Variants in RAB3IL1 observed in about 807,000 individuals in gnomAD.
RAB3IL1 encodes guanine nucleotide exchange factor for Rab-3A.
Under a neutral mutation model 49.2 loss-of-function variants are expected in RAB3IL1, and 37 were observed. That is an observed-to-expected ratio of 0.75 (90% CI 0.58 to 0.99). The LOEUF (loss-of-function observed/expected upper bound fraction) is 0.99. RAB3IL1 is among the 50% of genes least tolerant of loss of function. The pLI, the probability that RAB3IL1 is intolerant of heterozygous loss-of-function variation, is 0.00. For synonymous variants in RAB3IL1, 193 were observed against 213.9 expected (o/e 0.90, Z 0.85); for missense variants, 484 against 513.0 (o/e 0.94, Z 0.55).
the RAB3IL1 span, among the ~76,000 whole-genome samples, chr11:61,935,795 G>A: frequency 6.6e-6 from 1 of 151,984 alleles, no homozygotes; most frequent in African/African-American, 2.4e-5. Context: ...GATTACAGGG[G>A]TGAGCCACCA....
At chr11:61,923,754 C>G (rs1939952154), upstream of RAB3IL1, among the ~76,000 whole-genome samples, 1 of 152,222 alleles carries the variant, frequency 6.6e-6, no homozygotes, top group Non-Finnish European at 1.5e-5. Flanking sequence ...CCTCCGCCAG[C>G]TGTGCAGGGT....
chr11:61,934,494 A>ATT, the RAB3IL1 span, among the ~76,000 whole-genome samples: 1 of 126,480 alleles, frequency 7.9e-6, no homozygotes, highest in Non-Finnish European at 1.7e-5. Context: ...ATATATATAT[A>ATT]TTCTATGCCT....
chr11:61,943,825 A>G, the RAB3IL1 span, among the ~76,000 whole-genome samples: 1 of 152,224 alleles, frequency 6.6e-6, no homozygotes, highest in African/African-American at 2.4e-5. Flanking sequence ...CACTACATAC[A>G]TAAGTGGAAA....
intron 7 of RAB3IL1, among the ~76,000 whole-genome samples, chr11:61,903,527 C>T (rs1939024229): frequency 6.9e-6 from 1 of 144,656 alleles, no homozygotes. Flanking sequence ...CTATTGATGA[C>T]TTTTTTTTTT....
intron 1 of RAB3IL1, among the ~76,000 whole-genome samples, chr11:61,911,056 G>A (rs1939433877): frequency 6.6e-6 from 1 of 152,254 alleles, no homozygotes; most frequent in Non-Finnish European, 1.5e-5. Flanking sequence ...ACATAGGCTG[G>A]AGGTGTGGCT....
the RAB3IL1 span, among the ~76,000 whole-genome samples, chr11:61,934,487 T>C: frequency 7.8e-6 from 1 of 128,542 alleles, no homozygotes; most frequent in African/African-American, 3.1e-5. Context: ...TATATATATA[T>C]ATATATATTC....
chr11:61,907,452 G>C lies in RAB3IL1; in HGVS notation c.379C>G (p.Arg127Gly), dbSNP rs906299388. ...GCCGCCTGCTTCATGTTGGCTTCTC[G>C]AACCATCTTGTGAGCTTCCTAGGAA... ...SLFEEAHKMVREANMKQAASE... is the reference protein window; with the variant it reads ...SLFEEAHKMVGEANMKQAASE... Residue 127 changes from arginine to glycine, a missense_variant, in exon 4 of 10, where the codon CGA (arginine) becomes GGA (glycine). Coordinates refer to ENST00000394836, the MANE Select transcript of RAB3IL1 (RefSeq NM_013401.4). 1.2e-6 allele frequency: 2 copies of C among 1,614,162 alleles called. No individual in the cohort carries two copies. The highest frequency in any genetic ancestry group is 8.5e-7 in the Non-Finnish European group (1 of 1,180,020).
In RAB3IL1 at chr11:61,898,281, A is replaced by G; in HGVS notation, c.1146T>C (p.Ala382=). The change falls in exon 10 of 10, where the codon GCT becomes GCC. Residue 382 remains alanine, a synonymous_variant. Transcript: ENST00000394836. This position sits in a 1 kb window ranked among gnomAD's most constrained non-coding sequence, Gnocchi z 5.1. ...LAKLGFFPQE[A] The stretch of plus-strand genomic sequence containing the variant: ...CCCTTCAGGCCTGGGCCGCGCCCTA[A>G]GCCTCCTGGGGGAAGAAGCCGAGCT... 1 of 1,612,956 alleles carries G rather than the reference A, an allele frequency of 6.2e-7. No individual in the cohort carries two copies. The highest frequency in any genetic ancestry group is 1.6e-4 in the Middle Eastern group (1 of 6,062).
Position 61,917,457 on chromosome 11 carries a change from G to C in RAB3IL1, c.-90C>G, listed in dbSNP as rs1339663259. 6.9e-6 allele frequency: 8 copies of C among 1,166,982 alleles called. No individual in the cohort carries two copies. The highest frequency in any genetic ancestry group is 8.4e-6 in the Non-Finnish European group (8 of 947,736). The allele number at this position is 1,166,982 out of a possible 1,614,324, so 72.3% of individuals were successfully genotyped here. On this transcript the variant is annotated 5_prime_UTR_variant, in exon 1 of 10. Coordinates refer to ENST00000394836, the MANE Select transcript of RAB3IL1 (RefSeq NM_013401.4). Reference sequence around the variant, plus strand: ...CCCGCCCGCCGCCGACTCCGCCAGGGGCCGAGCCGCCCCACCGCCTGTCAG... The same window carrying C: ...CCCGCCCGCCGCCGACTCCGCCAGGCGCCGAGCCGCCCCACCGCCTGTCAG...
At chr11:61,903,228 G>C (rs1939011362) in intron 7 of RAB3IL1, among the ~76,000 whole-genome samples, 3 of 151,874 alleles carry the variant, frequency 2.0e-5, no homozygotes, top group Non-Finnish European at 2.9e-5. Flanking sequence ...AAGTCCCCAG[G>C]CCAGGGCACA....
At position 61,898,077 on chromosome 11, in the gene RAB3IL1, G is replaced by T. The variant is rs914214190; in HGVS notation, c.*201C>A. 1.9e-5 allele frequency: 11 copies of T among 572,772 alleles called. 1 individual carries two copies. The highest frequency in any genetic ancestry group is 1.2e-4 in the East Asian group (4 of 33,256). 35.5% of individuals were successfully genotyped at this position (572,772 alleles called of 1,614,324 possible). ...CAGAACCCAGTGGGGAAGAGAGGGG[G>T]GTCTTGCCGTGAAGTCCAGGCCCGT... On this transcript the variant is annotated 3_prime_UTR_variant, in exon 10 of 10. Transcript: ENST00000394836. The surrounding 1 kb of genome is among the most constrained non-coding windows in gnomAD (Gnocchi z 5.1).
At chr11:61,917,301 C>G in intron 1 of RAB3IL1, 56 bp downstream of exon 1, 1 of 1,354,032 alleles carries the variant, frequency 7.4e-7, no homozygotes, top group Non-Finnish European at 9.5e-7. Flanking sequence ...CCTCCCGTCC[C>G]GGGAGGCGAC....
upstream of RAB3IL1, chr11:61,917,719 C>G (rs114718990): frequency 0.032 from 9,142 of 287,156 alleles, 872 homozygotes; most frequent in African/African-American, 0.2. Context: ...GAACCCGGCC[C>G]CCAACATCCC....
At chr11:61,907,685 G>A in intron 2 of RAB3IL1, 25 bp from the exon 3 acceptor site, 4 of 1,607,560 alleles carry the variant, frequency 2.5e-6, no homozygotes, top group African/African-American at 1.3e-5. Flanking sequence ...GCAGGCACTT[G>A]AGCACCTCAG....
At chr11:61,929,705 C>T in the RAB3IL1 span, among the ~76,000 whole-genome samples, 2 of 151,020 alleles carry the variant, frequency 1.3e-5, no homozygotes, top group East Asian at 4.0e-4. Flanking sequence ...CCTGCCTCAG[C>T]CTCCTGAGTA....
chr11:61,920,308 A>G (rs1055158547), upstream of RAB3IL1: 7 of 1,215,792 alleles, frequency 5.8e-6, no homozygotes, highest in African/African-American at 9.4e-5. Flanking sequence ...TCCCCAGAGC[A>G]GCAGCCTGGG....
In RAB3IL1 at chr11:61,899,294, G is replaced by GGCC; in HGVS notation, c.1066+17_1066+19dup. The GGCC allele has an allele frequency of 6.2e-7, 1 of 1,600,378 alleles. No individual in the cohort carries two copies. The highest frequency in any genetic ancestry group is 8.5e-7 in the Non-Finnish European group (1 of 1,178,140). On this transcript the variant is annotated intron_variant, in intron 9 of 9. Coordinates refer to ENST00000394836, the MANE Select transcript of RAB3IL1 (RefSeq NM_013401.4). Reference sequence around the variant, plus strand: ...CACTCCCGTGTGCGATCCCTGCACCGGCCACCAGGGGGCGCTCACCGTCCT... The same window carrying GGCC: ...CACTCCCGTGTGCGATCCCTGCACCGGCCGCCACCAGGGGGCGCTCACCGTCCT...
intron 2 of RAB3IL1, 61 bp downstream of exon 2, chr11:61,907,993 A>G: frequency 6.5e-7 from 1 of 1,545,826 alleles, no homozygotes; most frequent in Non-Finnish European, 8.7e-7. Flanking sequence ...ATGAGAGCCC[A>G]CAGCTCTCCC....
chr11:61,934,319 T>TATACACACACACACACACAC, the RAB3IL1 span, among the ~76,000 whole-genome samples: 1 of 126,526 alleles, frequency 7.9e-6, no homozygotes, highest in African/African-American at 2.9e-5. Flanking sequence ...TGAGTAAATA[T>TATACACACACACACACACAC]ACACACACAC....
Sources: allele counts gnomAD v4.1 joint callset (sites outside exome capture counted in the v4.1 genomes callset), GRCh38; gene constraint gnomAD v4.1.1; non-coding constraint Gnocchi (gnomAD v3.1); transcripts MANE v1.5; gene names NCBI Gene and HGNC (gene_info 2026-07-23, HGNC 2026-07-21).